The following AHR variants were observed in gnomAD, a reference collection of about 807,000 sequenced individuals.
AHR encodes aryl hydrocarbon receptor.
AHR carries 40 observed loss-of-function variants against 86.8 expected under a neutral mutation model. The ratio of observed to expected loss-of-function variants is 0.46; its 90% confidence interval spans 0.36 to 0.60. AHR has a LOEUF of 0.60. Among genes scored for constraint, AHR ranks in the 20% least tolerant of loss-of-function variants. The pLI, the probability that AHR is intolerant of heterozygous loss-of-function variation, is 0.00. For missense variants in AHR, 1,001 were observed against 1,011.6 expected, an observed-to-expected ratio of 0.99 and a Z score of 0.14; for synonymous variants, 398 against 354.9, an observed-to-expected ratio of 1.12 and a Z score of -1.37.
chr7:17,345,845 T>C lies in AHR; in HGVS notation c.*2781T>C, dbSNP rs1782477606. Reference sequence around the variant, plus strand: ...ACTGCTACATTGTGGGATTTATTTCTAGATGATGTGCACATCTAAGGATAT... The same window carrying C: ...ACTGCTACATTGTGGGATTTATTTCCAGATGATGTGCACATCTAAGGATAT... On this transcript the variant is annotated 3_prime_UTR_variant, in exon 11 of 11. Transcript: ENST00000242057. The C allele has an allele frequency of 6.7e-6, 1 of 149,504 alleles. No homozygotes were observed. The highest frequency in any genetic ancestry group is 2.6e-5 in the African/African-American group (1 of 38,954). The allele number at this position is 149,504 out of a possible 1,614,324, so 9.3% of individuals were successfully genotyped here. A position where few individuals can be genotyped will look rare whatever the true frequency, so the allele number is the denominator to read the frequency against.
chr7:17,337,900 T>C (rs1418629653), intron 9 of AHR, among the ~76,000 whole-genome samples: 1 of 151,994 alleles, frequency 6.6e-6, no homozygotes, highest in Non-Finnish European at 1.5e-5. Context: ...GATATGAAAT[T>C]TTATAAGTAT....
At chr7:17,299,388 G>A in intron 1 of AHR, 59 bp downstream of exon 1, 3 of 1,580,106 alleles carry the variant, frequency 1.9e-6, no homozygotes, top group Non-Finnish European at 2.6e-6. Context: ...CGCGGGTGCG[G>A]GAGGCAGCCC....
At chr7:17,336,902 T>C (rs1235808254) in intron 9 of AHR, among the ~76,000 whole-genome samples, 1 of 152,156 alleles carries the variant, frequency 6.6e-6, no homozygotes, top group East Asian at 1.9e-4. Flanking sequence ...ATTTTAATTA[T>C]GTCTGCTCAT....
rs536076284 is a variant in AHR at position 17,339,797 on chromosome 7, C to G, written c.1972C>G (p.Gln658Glu). Residue 658 changes from glutamine to glutamate, a missense_variant, in exon 10 of 11, where the codon CAA (glutamine) becomes GAA (glutamate). Coordinates refer to ENST00000242057, the MANE Select transcript of AHR (RefSeq NM_001621.5). Reference sequence around the variant, plus strand: ...CATGTTTGAAAATTGGAACTCTAACCAATTCGTGCCTTTCAATTGTCCACA... The same window carrying G: ...CATGTTTGAAAATTGGAACTCTAACGAATTCGTGCCTTTCAATTGTCCACA... ...NGMFENWNSN[Q>E]FVPFNCPQQD... 6.2e-7 allele frequency: 1 copy of G among 1,614,176 alleles called. No individual in the cohort carries two copies. The highest frequency in any genetic ancestry group is 8.5e-7 in the Non-Finnish European group (1 of 1,180,024).
In AHR at chr7:17,344,299, A is replaced by C. The variant is rs923690050; in HGVS notation, c.*1235A>C. 5.2e-5 allele frequency: 8 copies of C among 152,788 alleles called. No homozygotes were observed. Among genetic ancestry groups the C allele is most frequent in the Non-Finnish European group, 5.9e-5 (4 of 68,032 alleles). 9.5% of individuals were successfully genotyped at this position (152,788 alleles called of 1,614,324 possible). A position where few individuals can be genotyped will look rare whatever the true frequency, so the allele number is the denominator to read the frequency against. On this transcript the variant is annotated 3_prime_UTR_variant, in exon 11 of 11. Coordinates refer to ENST00000242057, the MANE Select transcript of AHR (RefSeq NM_001621.5). The stretch of plus-strand genomic sequence containing the variant: ...TTGGTGCAAAGTATTGTAATGAGTG[A>C]ATTGAATGGTGCATTGTATAGATAT...
intron 1 of AHR, among the ~76,000 whole-genome samples, chr7:17,301,946 G>A (rs568285816): frequency 7.0e-4 from 106 of 151,892 alleles, no homozygotes; most frequent in Non-Finnish European, 1.4e-3. Flanking sequence ...CCCATACTTA[G>A]TGACCCTACT....
chr7:17,338,600 C>T (rs999012835), intron 9 of AHR, among the ~76,000 whole-genome samples: 9 of 152,154 alleles, frequency 5.9e-5, no homozygotes, highest in African/African-American at 1.9e-4. Flanking sequence ...AAGCAATTCA[C>T]ACACATCAGC....
intron 2 of AHR, among the ~76,000 whole-genome samples, chr7:17,316,617 A>G (rs1782117407): frequency 6.6e-6 from 1 of 152,184 alleles, no homozygotes; most frequent in Non-Finnish European, 1.5e-5. Flanking sequence ...CACACACAAA[A>G]GACGGAGACA....
chr7:17,329,247 TAATATA>T (rs1387966847), intron 4 of AHR, among the ~76,000 whole-genome samples: 1 of 151,938 alleles, frequency 6.6e-6, no homozygotes, highest in Non-Finnish European at 1.5e-5. Flanking sequence ...TAGAATAAAA[TAATATA>T]GAATACACAG....
chr7:17,299,198 C>T lies in AHR; in HGVS notation c.-67C>T, dbSNP rs1042924399. ...CGCCGGCCGCCGCAGTGGTCCCAGC[C>T]TACACCGGGTTCCGGGGACCCGGCC... is the stretch of plus-strand genomic sequence containing the variant. On this transcript the variant is annotated 5_prime_UTR_variant, in exon 1 of 11. Transcript: ENST00000242057. 9.0e-6 allele frequency: 14 copies of T among 1,561,258 alleles called. No individual in the cohort carries two copies. The highest frequency in any genetic ancestry group is 1.2e-5 in the Non-Finnish European group (14 of 1,154,420).
At chr7:17,299,352 C>A in intron 1 of AHR, 23 bp downstream of exon 1, 1 of 1,610,118 alleles carries the variant, frequency 6.2e-7, no homozygotes. Context: ...AGCGCGTCCT[C>A]ATCGCGGGGG....
At chr7:17,328,351 G>A (rs865777701) in intron 4 of AHR, among the ~76,000 whole-genome samples, 4 of 151,980 alleles carry the variant, frequency 2.6e-5, no homozygotes, top group South Asian at 2.1e-4. Context: ...TTGAAGTACT[G>A]TAAGCATTAG....
chr7:17,339,024 C>A lies in AHR; in HGVS notation c.1199C>A (p.Thr400Lys), dbSNP rs757131411. ...EGTEHLRKRN[T>K]KLPFMFTTGE... ...ACAGAGCATTTACGAAAACGAAATA[C>A]GAAGTTGCCTTTTATGTTTACCACT... The change falls in exon 10 of 11, where the codon ACG becomes AAG. Residue 400 changes from threonine to lysine, a missense_variant. Thr to Lys is a moderately conservative substitution (Grantham distance 78). This residue lies in a region of AHR where 607 missense variants were observed against 543.1 expected (regional missense o/e 1.12). Coordinates refer to ENST00000242057, the MANE Select transcript of AHR (RefSeq NM_001621.5). 6.2e-7 allele frequency: 1 copy of A among 1,613,844 alleles called. No individual in the cohort carries two copies. Among genetic ancestry groups the A allele is most frequent in the African/African-American group, 1.3e-5 (1 of 74,976 alleles).
intron 1 of AHR, among the ~76,000 whole-genome samples, chr7:17,301,698 G>A (rs1781956606): frequency 6.6e-6 from 1 of 151,674 alleles, no homozygotes; most frequent in South Asian, 2.1e-4. Context: ...CTCTCACATT[G>A]AAAATTATCT....
In AHR at chr7:17,330,855, G is replaced by A. The variant is rs770233525; in HGVS notation, c.674G>A (p.Arg225Lys). The change falls in exon 6 of 11, where the codon AGG becomes AAG. Residue 225 changes from arginine (R) to lysine (K), a missense_variant. By Grantham distance (26) the Arg-to-Lys change is conservative. This residue lies in a region of AHR where 394 missense variants were observed against 468.5 expected (regional missense o/e 0.84). Coordinates refer to ENST00000242057, the MANE Select transcript of AHR (RefSeq NM_001621.5). ...LMERCFICRL[R>K]CLLDNSSGFL... ...GAGAGGTGCTTCATATGTCGTCTAA[G>A]GTGTCTGCTGGATAATTCATCTGGT... 6.2e-7 allele frequency: 1 copy of A among 1,612,254 alleles called. No homozygotes were observed. Among genetic ancestry groups the A allele is most frequent in the Non-Finnish European group, 8.5e-7 (1 of 1,178,722 alleles).
Position 17,327,810 on chromosome 7 carries a change from GCTT to G in AHR, c.418_420del (p.Ser140del). On this transcript the variant is annotated inframe_deletion, in exon 4 of 11. Transcript: ENST00000242057. ...CACTACAGATGCTTTGGTCTTTTAT[GCTT>G]CTTCTACTATACAAGATTATCTAGG... 2 of 1,576,402 alleles carry G rather than the reference GCTT, an allele frequency of 1.3e-6. No homozygotes were observed. Among genetic ancestry groups the G allele is most frequent in the Non-Finnish European group, 1.7e-6 (2 of 1,155,966 alleles).
intron 2 of AHR, among the ~76,000 whole-genome samples, chr7:17,322,033 A>G (rs1362238218): frequency 2.6e-5 from 4 of 151,970 alleles, no homozygotes; most frequent in East Asian, 3.8e-4. Flanking sequence ...AATAAGGTGT[A>G]TAGTTGCTTT....
intron 1 of AHR, among the ~76,000 whole-genome samples, chr7:17,308,791 C>CT (rs1782032286): frequency 1.3e-5 from 2 of 152,048 alleles, no homozygotes; most frequent in Admixed American, 1.3e-4. Context: ...TTCTTTCTGC[C>CT]TAAAGTATTA....
At chr7:17,334,787 T>A in intron 7 of AHR, 100 bp from the exon 8 acceptor site, 1 of 761,374 alleles carries the variant, frequency 1.3e-6, no homozygotes, top group African/African-American at 1.8e-5. Context: ...AACTAAAACA[T>A]ATTGCAGAAA....
Sources: allele counts gnomAD v4.1 joint callset (sites outside exome capture counted in the v4.1 genomes callset), GRCh38; gene constraint gnomAD v4.1.1; regional missense constraint gnomAD v4.1.1; transcripts MANE v1.5; gene names NCBI Gene and HGNC (gene_info 2026-07-23, HGNC 2026-07-21).